The following MLLT10 variants were observed in gnomAD, a reference collection of about 807,000 sequenced individuals.
MLLT10 encodes the protein protein AF-10.
Under a neutral mutation model 129.1 loss-of-function variants are expected in MLLT10, and 30 were observed. That is an observed-to-expected ratio of 0.23 (90% CI 0.17 to 0.32). The LOEUF (loss-of-function observed/expected upper bound fraction) is 0.32, where lower values mean the gene tolerates loss of function less well. MLLT10 is among the 10% of genes least tolerant of loss of function. The pLI is 1.00. For missense variants in MLLT10, 1,119 were observed against 1,268.3 expected (o/e 0.88, Z 1.79); for synonymous variants, 490 against 446.4 (o/e 1.10, Z -1.23).
At chr10:21,617,486 G>T (rs564699613) in intron 8 of MLLT10, among the ~76,000 whole-genome samples, 1 of 152,196 alleles carries the variant, frequency 6.6e-6, no homozygotes, top group East Asian at 1.9e-4. Context: ...AAATCTTTAG[G>T]TGACTTCAGC....
chr10:21,547,079 AG>A (rs2036204405), intron 3 of MLLT10, among the ~76,000 whole-genome samples: 1 of 152,090 alleles, frequency 6.6e-6, no homozygotes. Flanking sequence ...CATGTTGGCC[AG>A]GCTGGTCTCA....
intron 14 of MLLT10, among the ~76,000 whole-genome samples, chr10:21,723,148 C>T (rs150371260): frequency 1.1e-3 from 170 of 152,214 alleles, no homozygotes; most frequent in Middle Eastern, 3.4e-3. Context: ...CTTTAGCATA[C>T]GCTAAAGATA....
rs1178021959 is a variant in MLLT10 at position 21,682,259 on chromosome 10, T to G, written c.1699+2T>G. On this transcript the variant is annotated splice_donor_variant, in intron 13 of 22. Transcript: ENST00000307729. LOFTEE classifies it high-confidence loss of function. ...AGTTGCTGAATGCAATACACAACGGTAAGTTTTATTAGAATCTTCTCTAGT... is the reference window on the plus strand; with the variant it reads ...AGTTGCTGAATGCAATACACAACGGGAAGTTTTATTAGAATCTTCTCTAGT... 6.2e-7 allele frequency: 1 copy of G among 1,609,440 alleles called. No homozygotes were observed. The highest frequency in any genetic ancestry group is 8.5e-7 in the Non-Finnish European group (1 of 1,178,374).
In MLLT10 at chr10:21,655,894, C is replaced by G. The variant is rs189560328; in HGVS notation, c.795+4126C>G. Among the ~76,000 whole-genome samples, 507 of 152,056 alleles carry G rather than the reference C, an allele frequency of 3.3e-3. 5 individuals carry two copies. The highest frequency in any genetic ancestry group is 2.9e-3 in the Non-Finnish European group (197 of 68,012). ...GATGGGGTACATTGCACCTTGTTCT[C>G]GGAGCACAGTGGAAGGCTTTCAGCT... is the stretch of plus-strand genomic sequence containing the variant. On this transcript the variant is annotated intron_variant, in intron 9 of 22. Transcript: ENST00000307729.
chr10:21,557,621 ACT>A (rs2038212508), intron 3 of MLLT10: 2 of 151,732 alleles, frequency 1.3e-5, no homozygotes, highest in Admixed American at 6.6e-5. Context: ...CATACTACAG[ACT>A]CTACTTCATG....
intron 21 of MLLT10, among the ~76,000 whole-genome samples, chr10:21,738,147 A>C (rs1236065171): frequency 6.6e-6 from 1 of 152,032 alleles, no homozygotes; most frequent in Non-Finnish European, 1.5e-5. Flanking sequence ...GCGTGTGTAT[A>C]ATCTCAGCTA....
chr10:21,636,295 A>G (rs990902138), intron 8 of MLLT10, among the ~76,000 whole-genome samples: 7 of 151,822 alleles, frequency 4.6e-5, no homozygotes, highest in Non-Finnish European at 8.8e-5. Context: ...CTAAGTTTTT[A>G]TATTTTTTGT....
chr10:21,583,817 A>G (rs1221053694), intron 3 of MLLT10, among the ~76,000 whole-genome samples: 1 of 152,144 alleles, frequency 6.6e-6, no homozygotes. Context: ...CATTGGGATT[A>G]CATTTTTACA....
chr10:21,680,300 T>C (rs1262502536), intron 11 of MLLT10, among the ~76,000 whole-genome samples: 1 of 152,072 alleles, frequency 6.6e-6, no homozygotes, highest in Non-Finnish European at 1.5e-5. Context: ...AACCACTGTT[T>C]GTTCAAGCGA....
At chr10:21,620,565 T>C (rs756725995) in intron 8 of MLLT10, among the ~76,000 whole-genome samples, 1 of 152,242 alleles carries the variant, frequency 6.6e-6, no homozygotes. Flanking sequence ...TTGTATATTA[T>C]GAGCTAAATT....
At chr10:21,571,411 A>G (rs1161500467) in intron 3 of MLLT10, among the ~76,000 whole-genome samples, 2 of 151,980 alleles carry the variant, frequency 1.3e-5, no homozygotes, top group African/African-American at 2.4e-5. Flanking sequence ...CATTTCCTCA[A>G]CTTGGGGAGA....
At chr10:21,607,770 T>C (rs558556312) in intron 5 of MLLT10, among the ~76,000 whole-genome samples, 2 of 152,366 alleles carry the variant, frequency 1.3e-5, no homozygotes, top group South Asian at 4.1e-4. Context: ...GAAGAAGAAA[T>C]ACCTAATCAC....
chr10:21,654,186 A>C (rs894602808), intron 9 of MLLT10, among the ~76,000 whole-genome samples: 13 of 152,164 alleles, frequency 8.5e-5, no homozygotes, highest in Non-Finnish European at 1.3e-4. Flanking sequence ...TTATAGAGAG[A>C]ATGGGGGAGA....
chr10:21,575,187 T>G (rs72794848), intron 3 of MLLT10, among the ~76,000 whole-genome samples: 1,556 of 147,398 alleles, frequency 0.011, 11 homozygotes, highest in South Asian at 0.016. Context: ...ACTTATTTTA[T>G]TTTATTTTAT....
intron 9 of MLLT10, among the ~76,000 whole-genome samples, chr10:21,656,131 C>T (rs2049566058): frequency 6.6e-6 from 1 of 152,074 alleles, no homozygotes; most frequent in African/African-American, 2.4e-5. Context: ...TGGGCTTCTT[C>T]TTGATCCTGA....
intron 13 of MLLT10, 125 bp downstream of exon 13, chr10:21,682,382 T>C (rs558830098): frequency 4.7e-6 from 4 of 845,100 alleles, no homozygotes; most frequent in South Asian, 2.0e-5. Context: ...AGTGAGTCAA[T>C]TGTTCAGCAC....
At chr10:21,537,332 C>G (rs2034221102) in intron 2 of MLLT10, among the ~76,000 whole-genome samples, 1 of 152,106 alleles carries the variant, frequency 6.6e-6, no homozygotes, top group Non-Finnish European at 1.5e-5. Context: ...GAGACTCCCT[C>G]TGTCGCCCAG....
At chr10:21,557,043 C>G (rs759737410) in intron 3 of MLLT10, 72 of 1,419,482 alleles carry the variant, frequency 5.1e-5, no homozygotes, top group South Asian at 5.0e-5. Context: ...ATCCTGTTTA[C>G]TTGATTTTTT....
intron 6 of MLLT10, among the ~76,000 whole-genome samples, chr10:21,613,192 C>CAA (rs993493277): frequency 0.012 from 303 of 24,592 alleles, 23 homozygotes; most frequent in African/African-American, 0.032. Flanking sequence ...GACTCTGTCT[C>CAA]AAAAAAAAAA....
Sources: gnomAD v4.1 joint callset for allele counts (sites outside exome capture counted in the v4.1 genomes callset) on GRCh38, gnomAD v4.1.1 for gene constraint, MANE v1.5 for transcripts, NCBI Gene and HGNC (gene_info 2026-07-23, HGNC 2026-07-21) for gene names.